The following CELF2 variants were observed in gnomAD, a reference collection of about 807,000 sequenced individuals.
CELF2 encodes CUGBP Elav-like family member 2.
Under a neutral mutation model 62.6 loss-of-function variants are expected in CELF2, and 8 were observed. The ratio of observed to expected loss-of-function variants is 0.13; its 90% CI spans 0.07 to 0.23. The LOEUF (loss-of-function observed/expected upper bound fraction) is 0.23. CELF2 is among the 10% of genes least tolerant of loss of function. The pLI is 1.00. For missense variants in CELF2, 333 were observed against 671.0 expected, an observed-to-expected ratio of 0.50 and a Z score of 5.56; for synonymous variants, 258 against 250.0, an observed-to-expected ratio of 1.03 and a Z score of -0.30.
chr10:10,844,312 C>T (rs1304690883), intron 1 of CELF2, among the ~76,000 whole-genome samples: 2 of 152,058 alleles, frequency 1.3e-5, no homozygotes, highest in African/African-American at 4.8e-5. Flanking sequence ...GGAAACCAAT[C>T]TCTACCCCCA....
chr10:11,272,194 C>T (rs1216192382), intron 7 of CELF2, among the ~76,000 whole-genome samples: 1 of 152,190 alleles, frequency 6.6e-6, no homozygotes, highest in East Asian at 1.9e-4. Flanking sequence ...GCTCAGGTTC[C>T]CATCACTTTC....
rs1413205003 is a variant in CELF2, at chr10:11,280,717, C to T, written c.841+5597C>T. On this transcript the variant is annotated intron_variant, in intron 8 of 12. Transcript: ENST00000633077. This position sits in a 1 kb window ranked among gnomAD's most constrained non-coding sequence, Gnocchi z 7.6. ...GGATGGACAGAGGACACATGGGCCA[C>T]GGCCTCTGCCTGGCTGAGTGGACAG... Among the ~76,000 whole-genome samples the T allele has an allele frequency of 6.6e-5, 10 of 152,318 alleles. No homozygotes were observed. The highest frequency in any genetic ancestry group is 1.9e-4 in the East Asian group (1 of 5,174).
At position 11,309,405 on chromosome 10, in the gene CELF2, C is replaced by T. The variant is rs1168238133; in HGVS notation, c.977-4734C>T. Among the ~76,000 whole-genome samples, 2 of 152,256 alleles carry T rather than the reference C, an allele frequency of 1.3e-5. No individual in the cohort carries two copies. The highest frequency in any genetic ancestry group is 2.9e-5 in the Non-Finnish European group (2 of 68,046). On this transcript the variant is annotated intron_variant, in intron 9 of 12. Coordinates refer to ENST00000633077, the MANE Select transcript of CELF2 (RefSeq NM_001326342.2). The surrounding 1 kb of genome is among the most constrained non-coding windows in gnomAD (Gnocchi z 5.6). ...ACTCCTCAGAGGCCACAGCCTTGAG[C>T]TATGAGTGACATTCCTATTTTTCCT...
Position 11,247,181 on chromosome 10 carries a change from C to T in CELF2, c.355-1972C>T, listed in dbSNP as rs2137190227. ...CTTTTCTAGAATTTCGATCTTGTTT[C>T]CTTTGTTACTTCTTCTGTACCTGAC... On this transcript the variant is annotated intron_variant, in intron 3 of 12. Transcript: ENST00000633077. This position sits in a 1 kb window ranked among gnomAD's most constrained non-coding sequence, Gnocchi z 5.4. 6.6e-6 allele frequency among the ~76,000 whole-genome samples: 1 copy of T among 152,340 alleles called. No homozygotes were observed. The highest frequency in any genetic ancestry group is 1.5e-5 in the Non-Finnish European group (1 of 68,028).
At chr10:11,181,385 GCA>G (rs2073323984) in intron 2 of CELF2, among the ~76,000 whole-genome samples, 1 of 152,206 alleles carries the variant, frequency 6.6e-6, no homozygotes, top group Non-Finnish European at 1.5e-5. Context: ...ATACCAGTTA[GCA>G]CAGTGTGTGG....
At chr10:10,925,314 C>G (rs942481929) in intron 2 of CELF2, 1 of 152,198 alleles carries the variant, frequency 6.6e-6, no homozygotes, top group Admixed American at 6.5e-5. Flanking sequence ...GCTCCCCCAG[C>G]TCTCCTGGGG....
At chr10:10,989,497 G>A (rs2053192573) in intron 2 of CELF2, among the ~76,000 whole-genome samples, 1 of 151,762 alleles carries the variant, frequency 6.6e-6, no homozygotes, top group Admixed American at 6.6e-5. Context: ...CTTCCCACGT[G>A]GAAAAAAGAA....
chr10:10,468,374 C>T, the CELF2 span, among the ~76,000 whole-genome samples: 2 of 151,932 alleles, frequency 1.3e-5, no homozygotes, highest in Admixed American at 1.3e-4. Context: ...GTAGCCGTTG[C>T]TTTGGTTGTA....
the CELF2 span, among the ~76,000 whole-genome samples, chr10:10,486,533 C>G: frequency 2.0e-5 from 3 of 152,152 alleles, no homozygotes; most frequent in South Asian, 2.1e-4. Flanking sequence ...AAGCTTGGGA[C>G]CCAATGTGTT....
At chr10:10,905,568 C>A (rs1341165409) in intron 1 of CELF2, among the ~76,000 whole-genome samples, 4 of 144,276 alleles carry the variant, frequency 2.8e-5, no homozygotes, top group South Asian at 4.6e-4. Context: ...ACATGGCAAA[C>A]CCCCATCTCT....
rs1236409652 is a variant in CELF2, at chr10:11,268,598, A to T, written c.618+1921A>T. On this transcript the variant is annotated intron_variant, in intron 6 of 12. Coordinates refer to ENST00000633077, the MANE Select transcript of CELF2 (RefSeq NM_001326342.2). This position sits in a 1 kb window ranked among gnomAD's most constrained non-coding sequence, Gnocchi z 4.7. ...TTTATTCCTAAGCCTTTGATCCTTTATTATTAATATCTCTGTTATTTGAAA... is the reference window on the plus strand; with the variant it reads ...TTTATTCCTAAGCCTTTGATCCTTTTTTATTAATATCTCTGTTATTTGAAA... Among the ~76,000 whole-genome samples, 1 of 152,138 alleles carries T rather than the reference A, an allele frequency of 6.6e-6. No homozygotes were observed. The highest frequency in any genetic ancestry group is 2.4e-5 in the African/African-American group (1 of 41,438).
At chr10:11,258,779 C>G (rs974591326) in intron 5 of CELF2, among the ~76,000 whole-genome samples, 3 of 152,224 alleles carry the variant, frequency 2.0e-5, no homozygotes, top group Non-Finnish European at 2.9e-5. Context: ...CTCCACCTCC[C>G]AGGTTCAAGC....
intron 1 of CELF2, among the ~76,000 whole-genome samples, chr10:11,140,218 A>G (rs1319511892): frequency 1.3e-5 from 2 of 152,128 alleles, no homozygotes; most frequent in Non-Finnish European, 2.9e-5. Context: ...ATTATATTAG[A>G]TTTCATCTTT....
the CELF2 span, among the ~76,000 whole-genome samples, chr10:10,562,226 C>T: frequency 6.6e-6 from 1 of 152,206 alleles, no homozygotes; most frequent in Non-Finnish European, 1.5e-5. Flanking sequence ...TTCTCTCCAT[C>T]TCCACTAATC....
chr10:10,553,478 G>A, the CELF2 span, among the ~76,000 whole-genome samples: 1 of 152,070 alleles, frequency 6.6e-6, no homozygotes, highest in Admixed American at 6.5e-5. Context: ...ATCATTGCAC[G>A]GGGAGTTAGG....
At position 11,309,039 on chromosome 10, in the gene CELF2, C is replaced by T. The variant is rs1459293804; in HGVS notation, c.977-5100C>T. 6.6e-6 allele frequency among the ~76,000 whole-genome samples: 1 copy of T among 152,098 alleles called. No individual in the cohort carries two copies. Among genetic ancestry groups the T allele is most frequent in the Non-Finnish European group, 1.5e-5 (1 of 68,016 alleles). ...GAAACATTGTAATTACACTTATAAT[C>T]CTTTAGGCATGATTTTTTAGATTGT... On this transcript the variant is annotated intron_variant, in intron 9 of 12. Coordinates refer to ENST00000633077, the MANE Select transcript of CELF2 (RefSeq NM_001326342.2). This position sits in a 1 kb window ranked among gnomAD's most constrained non-coding sequence, Gnocchi z 5.6.
the CELF2 span, among the ~76,000 whole-genome samples, chr10:10,541,113 G>T: frequency 6.6e-6 from 1 of 151,838 alleles, no homozygotes; most frequent in Admixed American, 6.6e-5. Context: ...CGTGGTGGTG[G>T]GTGCCTGTAG....
chr10:10,585,709 A>G, the CELF2 span, among the ~76,000 whole-genome samples: 2 of 152,186 alleles, frequency 1.3e-5, no homozygotes, highest in Non-Finnish European at 2.9e-5. Flanking sequence ...CTCTCTCTTC[A>G]CTGTTTGATT....
intron 1 of CELF2, chr10:11,030,567 C>T (rs1360823777): frequency 4.0e-5 from 6 of 151,802 alleles, no homozygotes; most frequent in African/African-American, 9.7e-5. Flanking sequence ...CTCCAAAGCC[C>T]GAGGTTGCAG....
Sources: gnomAD v4.1 joint callset for allele counts (sites outside exome capture counted in the v4.1 genomes callset) on GRCh38, gnomAD v4.1.1 for gene constraint, Gnocchi (gnomAD v3.1) non-coding constraint, MANE v1.5 for transcripts, NCBI Gene and HGNC (gene_info 2026-07-23, HGNC 2026-07-21) for gene names.